The following PIK3C2A variants were observed in gnomAD, a reference collection of about 807,000 sequenced individuals.
PIK3C2A encodes the protein phosphatidylinositol-4-phosphate 3-kinase catalytic subunit type 2 alpha.
Under a neutral mutation model 204.5 loss-of-function variants are expected in PIK3C2A, and 97 were observed. The observed-to-expected ratio is 0.47, with a 90% CI of 0.40 to 0.56. The LOEUF (loss-of-function observed/expected upper bound fraction) is 0.56, where lower values mean the gene tolerates loss of function less well. PIK3C2A is among the 20% of genes least tolerant of loss of function. The probability of loss-of-function intolerance (pLI) is 0.00; values close to 1 mark genes in which losing one functional copy is unlikely to be tolerated. For synonymous variants in PIK3C2A, 653 were observed against 664.4 expected, an observed-to-expected ratio of 0.98 and a Z score of 0.26; for missense variants, 1,735 against 1,969.2, an observed-to-expected ratio of 0.88 and a Z score of 2.25.
At chr11:17,192,995 A>G (rs1851992985) in intron 1 of PIK3C2A, among the ~76,000 whole-genome samples, 1 of 151,042 alleles carries the variant, frequency 6.6e-6, no homozygotes, top group Admixed American at 6.8e-5. Flanking sequence ...ACACTCACAC[A>G]ATGTCATAAT....
intron 1 of PIK3C2A, among the ~76,000 whole-genome samples, chr11:17,181,451 T>C (rs978814691): frequency 6.6e-6 from 1 of 151,622 alleles, no homozygotes; most frequent in Admixed American, 6.6e-5. Flanking sequence ...GTTGAGCAAC[T>C]GAAAGACAGA....
rs148424247 is a variant in PIK3C2A at position 17,121,591 on chromosome 11, C to T, written c.2657+597G>A. Among the ~76,000 whole-genome samples, 580 of 152,248 alleles carry T rather than the reference C, an allele frequency of 3.8e-3. 3 individuals carry two copies. The highest frequency in any genetic ancestry group is 5.7e-3 in the Non-Finnish European group (391 of 68,012). On this transcript the variant is annotated intron_variant, in intron 15 of 32. Transcript: ENST00000691414. ...TCCAAAGGAGACATAGCTTTTTATACTTCTGCAAATAGTATAATTCCCATT... is the reference window on the plus strand; with the variant it reads ...TCCAAAGGAGACATAGCTTTTTATATTTCTGCAAATAGTATAATTCCCATT...
At chr11:17,145,539 ATAAAT>A in intron 8 of PIK3C2A, 124 bp downstream of exon 8, 1 of 600,534 alleles carries the variant, frequency 1.7e-6, no homozygotes, top group Non-Finnish European at 2.9e-6. Context: ...TATTTTCTTT[ATAAAT>A]TAAAAAGAAG....
rs1848560864 is a variant in PIK3C2A, at chr11:17,099,737, C to G, written c.4118+123G>C. On this transcript the variant is annotated intron_variant, in intron 26 of 32. Transcript: ENST00000691414. Reference sequence around the variant, plus strand: ...TTTGACAGCCTACTATGTGCAATTACTATGAATCAGAATTTGTTCCTATAA... The same window carrying G: ...TTTGACAGCCTACTATGTGCAATTAGTATGAATCAGAATTTGTTCCTATAA... 14 of 536,364 alleles carry G rather than the reference C, an allele frequency of 2.6e-5. No homozygotes were observed. In the Admixed American group the frequency reaches 4.9e-4, roughly 19 times the overall value. 33.2% of individuals were successfully genotyped at this position (536,364 alleles called of 1,614,324 possible).
chr11:17,097,120 A>G lies in PIK3C2A; in HGVS notation c.4263T>C (p.Asp1421=). 2 of 1,610,012 alleles carry G rather than the reference A, an allele frequency of 1.2e-6. No individual in the cohort carries two copies. The highest frequency in any genetic ancestry group is 1.1e-5 in the South Asian group (1 of 91,006). ...FSPKTYSFRQ[D]GRIKEVSVFT... is the part of the protein sequence containing the mutation. The stretch of plus-strand genomic sequence containing the variant: ...AAACAGAGACTTCCTTGATTCGACC[A>G]TCTTGTCTAAAGGAGTATGTTTTAG... Residue 1421 remains aspartate, a synonymous_variant, in exon 27 of 33, where the codon GAT becomes GAC. Coordinates refer to ENST00000691414, the MANE Select transcript of PIK3C2A (RefSeq NM_002645.4).
intron 8 of PIK3C2A, 118 bp downstream of exon 8, chr11:17,145,550 A>G: frequency 4.8e-6 from 3 of 621,554 alleles, no homozygotes; most frequent in Non-Finnish European, 8.5e-6. Context: ...TAAATTAAAA[A>G]GAAGAATATA....
chr11:17,149,013 C>T (rs1424338639), intron 4 of PIK3C2A, among the ~76,000 whole-genome samples: 1 of 152,048 alleles, frequency 6.6e-6, no homozygotes, highest in Non-Finnish European at 1.5e-5. Flanking sequence ...ACAGTTGGCC[C>T]TCTATATATG....
chr11:17,111,891 A>C (rs1382234174), intron 21 of PIK3C2A, among the ~76,000 whole-genome samples: 148 of 151,154 alleles, frequency 9.8e-4, no homozygotes, highest in African/African-American at 3.4e-3. Context: ...ACAAAAAAAA[A>C]AAAAAAAAAA....
chr11:17,094,167 T>C, intron 28 of PIK3C2A, 94 bp downstream of exon 28: 1 of 860,624 alleles, frequency 1.2e-6, no homozygotes, highest in Non-Finnish European at 1.8e-6. Flanking sequence ...TGGCCGATAA[T>C]ATCTTACTAA....
intron 24 of PIK3C2A, 23 bp downstream of exon 24, chr11:17,102,639 T>G (rs764894820): frequency 6.4e-7 from 1 of 1,557,298 alleles, no homozygotes; most frequent in Non-Finnish European, 8.7e-7. Context: ...CTCATTTCTT[T>G]GGCAACAGCA....
chr11:17,090,641 A>G (rs1848281187), intron 32 of PIK3C2A, among the ~76,000 whole-genome samples: 2 of 152,168 alleles, frequency 1.3e-5, no homozygotes, highest in Admixed American at 6.5e-5. Context: ...CCTAAGGTCT[A>G]TGAGGGCTCT....
rs775240376 is a variant in PIK3C2A, at chr11:17,102,691, T to C, written c.3822A>G (p.Gly1274=). Residue 1274 remains glycine (G), a synonymous_variant, in exon 24 of 33, where the codon GGA becomes GGG. Coordinates refer to ENST00000691414, the MANE Select transcript of PIK3C2A (RefSeq NM_002645.4). Reference sequence around the variant, plus strand: ...TGAAGCTGCCAAACATCTGTGCATGTCCCAAAAACTTTCCAAAGTCAATGT... The same window carrying C: ...TGAAGCTGCCAAACATCTGTGCATGCCCCAAAAACTTTCCAAAGTCAATGT... ...MFHIDFGKFL[G]HAQMFGSFKR... is the part of the protein sequence containing the mutation. 1 of 1,613,382 alleles carries C rather than the reference T, an allele frequency of 6.2e-7. No homozygotes were observed. Among genetic ancestry groups the C allele is most frequent in the Non-Finnish European group, 8.5e-7 (1 of 1,179,750 alleles).
At chr11:17,160,196 A>C (rs778092495) in intron 2 of PIK3C2A, among the ~76,000 whole-genome samples, 29 of 152,334 alleles carry the variant, frequency 1.9e-4, no homozygotes, top group Non-Finnish European at 3.4e-4. Flanking sequence ...AGTAGCTTTC[A>C]ATTTAAGTAA....
chr11:17,122,217 A>C lies in PIK3C2A; in HGVS notation c.2628T>G (p.Leu876=). The change falls in exon 15 of 33, where the codon CTT becomes CTG. Residue 876 remains leucine, a synonymous_variant. Transcript: ENST00000691414. The stretch of plus-strand genomic sequence containing the variant: ...GTGATGAGTCTTTATGAAGAATATC[A>C]AGAAGTTTCCCTTTTATATCATTCT... ...TLENDIKGKL[L]DILHKDSSLG... 3 of 1,583,756 alleles carry C rather than the reference A, an allele frequency of 1.9e-6. No homozygotes were observed. Among genetic ancestry groups the C allele is most frequent in the Non-Finnish European group, 2.6e-6 (3 of 1,154,702 alleles).
rs1852031240 is a variant in PIK3C2A, at chr11:17,193,864, A to AGGGGAGGGGAGGGGAGGGGAGGGGAGGGG, written c.-66+13983_-66+13984insCCCCTCCCCTCCCCTCCCCTCCCCTCCCC. 3.2e-5 allele frequency: 3 copies of AGGGGAGGGGAGGGGAGGGGAGGGGAGGGG among 94,738 alleles called. 1 individual carries two copies. Among genetic ancestry groups the AGGGGAGGGGAGGGGAGGGGAGGGGAGGGG allele is most frequent in the African/African-American group, 2.5e-4 (3 of 12,216 alleles). The allele number at this position is 94,738 out of a possible 1,614,324, so 5.9% of individuals were successfully genotyped here. A position where few individuals can be genotyped will look rare whatever the true frequency, so the allele number is the denominator to read the frequency against. On this transcript the variant is annotated intron_variant, in intron 1 of 32. Transcript: ENST00000691414. ...TGTCTCAAAAAAAGAAAAGAAAAGA[A>AGGGGAGGGGAGGGGAGGGGAGGGGAGGGG]AAGAAAAGAAAAGAAAAGAAAAGAA...
intron 11 of PIK3C2A, among the ~76,000 whole-genome samples, chr11:17,133,134 ACT>A (rs1413426953): frequency 6.6e-6 from 1 of 151,730 alleles, no homozygotes; most frequent in Non-Finnish European, 1.5e-5. Context: ...TATTCCATTT[ACT>A]CCTATTTATG....
At chr11:17,138,325 CT>C (rs61085828) in intron 8 of PIK3C2A, 196,958 of 350,410 alleles carry the variant, frequency 0.56, 39,941 homozygotes, top group African/African-American at 0.67. Context: ...AGCCAGCTTC[CT>C]TTTTTTTTTT....
At chr11:17,133,964 T>C (rs561960726) in intron 11 of PIK3C2A, among the ~76,000 whole-genome samples, 177 of 152,224 alleles carry the variant, frequency 1.2e-3, no homozygotes, top group African/African-American at 4.1e-3. Context: ...AACACCAGTC[T>C]TAAATTGCCT....
intron 2 of PIK3C2A, among the ~76,000 whole-genome samples, chr11:17,167,288 G>A (rs1021279268): frequency 6.6e-6 from 1 of 152,050 alleles, no homozygotes; most frequent in Non-Finnish European, 1.5e-5. Context: ...TCTTAACACC[G>A]ATTTCTCTTC....
Sources: gnomAD v4.1 joint callset for allele counts (sites outside exome capture counted in the v4.1 genomes callset) on GRCh38, gnomAD v4.1.1 for gene constraint, MANE v1.5 for transcripts, NCBI Gene and HGNC (gene_info 2026-07-23, HGNC 2026-07-21) for gene names.